Variants in ARHGAP25 observed in about 807,000 individuals in gnomAD.
ARHGAP25 encodes rho GTPase-activating protein 25.
In ARHGAP25, 34 loss-of-function variants were observed where a neutral mutation model predicts 71.0. That is an observed-to-expected ratio of 0.48 (90% CI 0.36 to 0.64). The LOEUF (loss-of-function observed/expected upper bound fraction) is 0.64. Among genes scored for constraint, ARHGAP25 ranks in the 30% least tolerant of loss-of-function variants. ARHGAP25 has a pLI of 0.00. For missense variants in ARHGAP25, 706 were observed against 805.1 expected (o/e 0.88, Z 1.49); for synonymous variants, 282 against 296.5 (o/e 0.95, Z 0.50).
intron 8 of ARHGAP25, 34 bp downstream of exon 8, chr2:68,818,028 A>G: frequency 6.2e-7 from 1 of 1,612,002 alleles, no homozygotes; most frequent in Non-Finnish European, 8.5e-7. Context: ...GCAGGTACCC[A>G]GGAAATAACA....
At chr2:68,717,303 C>T (rs1674636247) in intron 2 of ARHGAP25, among the ~76,000 whole-genome samples, 2 of 152,210 alleles carry the variant, frequency 1.3e-5, no homozygotes, top group Admixed American at 1.3e-4. Flanking sequence ...TTATGTGGCA[C>T]ATGACTGAAT....
At position 68,734,993 on chromosome 2, in the gene ARHGAP25, C is replaced by G; in HGVS notation, c.-207C>G. The G allele has an allele frequency of 1.6e-6, 1 of 609,158 alleles. No individual in the cohort carries two copies. 37.7% of individuals were successfully genotyped at this position (609,158 alleles called of 1,614,324 possible). ...GCTGGGGGAGTTTGGGTGCCATCCT[C>G]CAGTGACAGATGGATGGACCTTTCA... On this transcript the variant is annotated 5_prime_UTR_variant, in exon 1 of 11. Coordinates refer to ENST00000409202, the MANE Select transcript of ARHGAP25 (RefSeq NM_001007231.3).
In ARHGAP25 at chr2:68,787,583, A is replaced by G. The variant is rs1370126463; in HGVS notation, c.350-257A>G. 2.6e-5 allele frequency among the ~76,000 whole-genome samples: 4 copies of G among 152,320 alleles called. No homozygotes were observed. The East Asian group carries it at 7.7e-4, about 29-fold the overall frequency. ...GTAGGAAATGACTTCTGTCCTCTTA[A>G]ATGAAAGCAGCTCTCAGCCCAAGCT... On this transcript the variant is annotated intron_variant, in intron 3 of 10. Coordinates refer to ENST00000409202, the MANE Select transcript of ARHGAP25 (RefSeq NM_001007231.3).
chr2:68,775,580 A>T, intron 2 of ARHGAP25, 160 bp downstream of exon 2: 1 of 1,136,958 alleles, frequency 8.8e-7, no homozygotes, highest in Non-Finnish European at 1.3e-6. Flanking sequence ...CTAGATACAT[A>T]AACTGAGTTG....
At chr2:68,723,709 T>C (rs1039921009) in intron 2 of ARHGAP25, among the ~76,000 whole-genome samples, 2 of 152,194 alleles carry the variant, frequency 1.3e-5, no homozygotes, top group Non-Finnish European at 2.9e-5. Context: ...TAGCAGAGTA[T>C]ACCAACGTGG....
chr2:68,786,570 C>G (rs1249416175), intron 3 of ARHGAP25, among the ~76,000 whole-genome samples: 3 of 152,106 alleles, frequency 2.0e-5, no homozygotes, highest in Non-Finnish European at 4.4e-5. Context: ...TTTAACTTAC[C>G]ATTTTACTTC....
intron 1 of ARHGAP25, among the ~76,000 whole-genome samples, chr2:68,770,639 C>T (rs1001669696): frequency 6.6e-6 from 1 of 152,216 alleles, no homozygotes; most frequent in African/African-American, 2.4e-5. Flanking sequence ...AACAACATCC[C>T]TAGGCATGTG....
upstream of ARHGAP25, among the ~76,000 whole-genome samples, chr2:68,730,014 C>T (rs1201962649): frequency 6.6e-6 from 1 of 152,170 alleles, no homozygotes. Flanking sequence ...ATTTTGCTCT[C>T]ATCATATAAT....
upstream of ARHGAP25, among the ~76,000 whole-genome samples, chr2:68,732,449 C>T (rs1675046500): frequency 6.6e-6 from 1 of 152,218 alleles, no homozygotes; most frequent in Admixed American, 6.5e-5. Context: ...GGCCAGACAG[C>T]TACCTCTCTC....
At chr2:68,809,315 G>A (rs1379262187) in intron 5 of ARHGAP25, among the ~76,000 whole-genome samples, 1 of 152,162 alleles carries the variant, frequency 6.6e-6, no homozygotes, top group Admixed American at 6.5e-5. Context: ...GATGCATAGG[G>A]TAGGGAAAGG....
intron 1 of ARHGAP25, among the ~76,000 whole-genome samples, chr2:68,756,800 G>A (rs901166648): frequency 6.6e-6 from 1 of 151,890 alleles, no homozygotes; most frequent in African/African-American, 2.4e-5. Flanking sequence ...CACTCAAAGG[G>A]GAAAACAAAG....
At chr2:68,747,729 C>T (rs571707605) in intron 1 of ARHGAP25, among the ~76,000 whole-genome samples, 1 of 152,292 alleles carries the variant, frequency 6.6e-6, no homozygotes, top group South Asian at 2.1e-4. Flanking sequence ...CTGCCCTTTG[C>T]AAAAGGCTCT....
intron 1 of ARHGAP25, among the ~76,000 whole-genome samples, chr2:68,743,958 C>CA (rs1426577494): frequency 6.6e-6 from 1 of 152,070 alleles, no homozygotes; most frequent in Non-Finnish European, 1.5e-5. Context: ...CAATTTATGG[C>CA]AAAAATTGAT....
At chr2:68,825,778 A>C (rs1236440201) in intron 10 of ARHGAP25, among the ~76,000 whole-genome samples, 1 of 150,734 alleles carries the variant, frequency 6.6e-6, no homozygotes, top group Non-Finnish European at 1.5e-5. Flanking sequence ...GACTCCATCC[A>C]AAAAAAAATG....
At chr2:68,819,344 T>A (rs1573634199) in intron 9 of ARHGAP25, 25 bp downstream of exon 9, 1 of 1,610,818 alleles carries the variant, frequency 6.2e-7, no homozygotes, top group East Asian at 2.2e-5. Context: ...ACCTTCCTGC[T>A]TCCATTGGGT....
intron 3 of ARHGAP25, among the ~76,000 whole-genome samples, chr2:68,785,990 A>G (rs1472281369): frequency 6.6e-6 from 1 of 152,138 alleles, no homozygotes; most frequent in Non-Finnish European, 1.5e-5. Flanking sequence ...TTTTTTTAGG[A>G]CAACAGAAAC....
At chr2:68,798,276 G>T (rs1467298710) in intron 4 of ARHGAP25, among the ~76,000 whole-genome samples, 1 of 152,144 alleles carries the variant, frequency 6.6e-6, no homozygotes, top group Non-Finnish European at 1.5e-5. Context: ...GCCTGGAGGG[G>T]TGTGCAATCA....
chr2:68,760,925 G>T (rs1168459390), intron 1 of ARHGAP25, among the ~76,000 whole-genome samples: 1 of 149,952 alleles, frequency 6.7e-6, no homozygotes, highest in Non-Finnish European at 1.5e-5. Flanking sequence ...TTTCCTATTT[G>T]AATCACATAA....
chr2:68,746,199 G>A (rs1675802347), intron 1 of ARHGAP25, among the ~76,000 whole-genome samples: 1 of 152,090 alleles, frequency 6.6e-6, no homozygotes, highest in African/African-American at 2.4e-5. Flanking sequence ...ACTTCCTTCT[G>A]CCGTCACTCT....
Sources: allele counts gnomAD v4.1 joint callset (sites outside exome capture counted in the v4.1 genomes callset), GRCh38; gene constraint gnomAD v4.1.1; transcripts MANE v1.5; gene names NCBI Gene and HGNC (gene_info 2026-07-23, HGNC 2026-07-21).